CECR2: variants seen among roughly 807,000 people sequenced by gnomAD.
CECR2 encodes chromatin remodeling regulator CECR2.
CECR2 carries 30 observed loss-of-function variants against 154.5 expected under a neutral mutation model. That is an observed-to-expected ratio of 0.19 (90% CI 0.15 to 0.26). CECR2 has a LOEUF of 0.26. Among genes scored for constraint, CECR2 ranks in the 10% least tolerant of loss-of-function variants. CECR2 has a pLI of 1.00. For synonymous variants in CECR2, 725 were observed against 683.7 expected, an observed-to-expected ratio of 1.06 and a Z score of -0.94; for missense variants, 1,743 against 1,829.3, an observed-to-expected ratio of 0.95 and a Z score of 0.86.
At chr22:17,526,172 G>A (rs190793909) in intron 9 of CECR2, among the ~76,000 whole-genome samples, 49 of 152,084 alleles carry the variant, frequency 3.2e-4, no homozygotes, top group African/African-American at 1.0e-3. Context: ...AATTTATATG[G>A]ACCCACAAAA....
At chr22:17,383,696 C>A (rs1267369601) in intron 1 of CECR2, among the ~76,000 whole-genome samples, 1 of 123,850 alleles carries the variant, frequency 8.1e-6, no homozygotes. Context: ...GAGTCTTGCT[C>A]TATTGCCCAG....
intron 3 of CECR2, among the ~76,000 whole-genome samples, chr22:17,498,657 G>C (rs1405428807): frequency 6.6e-6 from 1 of 152,196 alleles, no homozygotes; most frequent in African/African-American, 2.4e-5. Context: ...CTGGAACTCA[G>C]CTGGAGTGAG....
chr22:17,450,898 C>T (rs1304689816), intron 1 of CECR2, among the ~76,000 whole-genome samples: 1 of 152,200 alleles, frequency 6.6e-6, no homozygotes. Context: ...TACTCTAGTC[C>T]AGACCATCCT....
chr22:17,455,268 C>T (rs1031915861), intron 1 of CECR2, among the ~76,000 whole-genome samples: 14 of 152,156 alleles, frequency 9.2e-5, no homozygotes, highest in African/African-American at 2.4e-4. Flanking sequence ...TTCTTTATTA[C>T]GGCTAGCAGA....
At chr22:17,426,270 ATAG>A (rs2054327718) in intron 1 of CECR2, among the ~76,000 whole-genome samples, 1 of 88,370 alleles carries the variant, frequency 1.1e-5, no homozygotes, top group Admixed American at 9.8e-5. Flanking sequence ...TCAGATTTCC[ATAG>A]TAGGAAAAAA....
intron 2 of CECR2, among the ~76,000 whole-genome samples, chr22:17,477,992 T>G (rs2055239107): frequency 6.6e-6 from 1 of 152,244 alleles, no homozygotes; most frequent in Non-Finnish European, 1.5e-5. Context: ...TTTGCAGTAT[T>G]GGTAAAGTAT....
intron 1 of CECR2, among the ~76,000 whole-genome samples, chr22:17,387,440 C>T (rs936210049): frequency 2.0e-5 from 3 of 152,148 alleles, no homozygotes; most frequent in East Asian, 1.9e-4. Flanking sequence ...TGAGCAGCCA[C>T]GACACAGCCA....
rs1277295903 is a variant in CECR2 at position 17,553,028 on chromosome 22, C to T, written c.*188C>T. ...AAGGACACTCCTTAGATGACTGACACACAGATTGCAAAGGTCCTCGGCCAG... is the reference window on the plus strand; with the variant it reads ...AAGGACACTCCTTAGATGACTGACATACAGATTGCAAAGGTCCTCGGCCAG... On this transcript the variant is annotated 3_prime_UTR_variant, in exon 19 of 19. Transcript: ENST00000262608. 1.5e-6 allele frequency: 2 copies of T among 1,333,216 alleles called. No homozygotes were observed. Among genetic ancestry groups the T allele is most frequent in the African/African-American group, 3.0e-5 (2 of 66,430 alleles). 82.6% of individuals were successfully genotyped at this position (1,333,216 alleles called of 1,614,324 possible).
chr22:17,420,970 T>TC (rs1217786049), intron 1 of CECR2, among the ~76,000 whole-genome samples: 2 of 152,180 alleles, frequency 1.3e-5, no homozygotes, highest in Admixed American at 6.5e-5. Flanking sequence ...TAATTCTTCC[T>TC]CCCATCCCTG....
At chr22:17,467,968 T>C (rs1238066615) in intron 1 of CECR2, among the ~76,000 whole-genome samples, 1 of 152,212 alleles carries the variant, frequency 6.6e-6, no homozygotes, top group Non-Finnish European at 1.5e-5. Flanking sequence ...CTGTATACTG[T>C]CCCAGAAACA....
At chr22:17,465,541 G>C (rs140588532) in intron 1 of CECR2, among the ~76,000 whole-genome samples, 2 of 152,044 alleles carry the variant, frequency 1.3e-5, no homozygotes, top group Non-Finnish European at 2.9e-5. Flanking sequence ...CTGGAATGCA[G>C]TAGTGCATTC....
intron 1 of CECR2, among the ~76,000 whole-genome samples, chr22:17,475,275 A>G (rs1022502636): frequency 2.6e-5 from 4 of 152,152 alleles, no homozygotes; most frequent in African/African-American, 9.7e-5. Flanking sequence ...TGGGGCGGTC[A>G]CTGTAATTGT....
chr22:17,365,564 T>C (rs760363735), upstream of CECR2, among the ~76,000 whole-genome samples: 1 of 151,930 alleles, frequency 6.6e-6, no homozygotes, highest in East Asian at 1.9e-4. Flanking sequence ...GGCGTGGTGG[T>C]GGGTGCCTGT....
At chr22:17,482,090 G>A (rs1021215615) in intron 2 of CECR2, among the ~76,000 whole-genome samples, 10 of 132,970 alleles carry the variant, frequency 7.5e-5, no homozygotes, top group Non-Finnish European at 1.1e-4. Flanking sequence ...TCTCCAGCCT[G>A]GGTGACAGAT....
chr22:17,462,303 G>C (rs1329213654), intron 1 of CECR2, among the ~76,000 whole-genome samples: 1 of 151,872 alleles, frequency 6.6e-6, no homozygotes, highest in Non-Finnish European at 1.5e-5. Flanking sequence ...AGAGCTTGCA[G>C]TGAGCAAAGA....
chr22:17,456,654 T>C (rs550981773), intron 1 of CECR2, among the ~76,000 whole-genome samples: 2 of 152,292 alleles, frequency 1.3e-5, no homozygotes, highest in Non-Finnish European at 2.9e-5. Flanking sequence ...AAACATCCCT[T>C]TTTTAAAAAA....
At chr22:17,521,656 T>C (rs1050785319) in intron 8 of CECR2, among the ~76,000 whole-genome samples, 2 of 152,216 alleles carry the variant, frequency 1.3e-5, no homozygotes, top group Non-Finnish European at 2.9e-5. Flanking sequence ...TATCAGCCCT[T>C]TGTCAGATGA....
Position 17,503,127 on chromosome 22 carries a change from A to T in CECR2, c.696A>T (p.Arg232Ser). ...CCTTGGCATCCGAGCCACAGACAAG[A>T]CATGGTAATGTTCTTTACTGGCATT... is the stretch of plus-strand genomic sequence containing the variant. ...ENSLASEPQT[R>S]HGSQGPGQGT... The change falls in exon 6 of 19, where the codon AGA becomes AGT. Residue 232 changes from arginine (R) to serine (S), a missense_variant. Physicochemically the swap from Arg to Ser is moderately radical, Grantham distance 110. Around this residue, in one of 4 missense-constraint regions of CECR2, gnomAD observed 292 missense variants for 301.2 expected, o/e 0.97. Transcript: ENST00000262608. 2 of 1,612,026 alleles carry T rather than the reference A, an allele frequency of 1.2e-6. No homozygotes were observed. The highest frequency in any genetic ancestry group is 1.3e-5 in the African/African-American group (1 of 75,026).
chr22:17,387,392 T>C (rs1569048154), intron 1 of CECR2, among the ~76,000 whole-genome samples: 1 of 152,158 alleles, frequency 6.6e-6, no homozygotes. Context: ...ATACAAGGAT[T>C]ATCGAGTTAG....
Sources: gnomAD v4.1 joint callset for allele counts (sites outside exome capture counted in the v4.1 genomes callset) on GRCh38, gnomAD v4.1.1 for gene constraint, gnomAD v4.1.1 regional missense constraint, MANE v1.5 for transcripts, NCBI Gene and HGNC (gene_info 2026-07-23, HGNC 2026-07-21) for gene names.